TBPL1: variants seen among roughly 807,000 people sequenced by gnomAD.
TBPL1 encodes the protein TATA box-binding protein-like 1.
Under a neutral mutation model 22.1 loss-of-function variants are expected in TBPL1, and 4 were observed. The ratio of observed to expected loss-of-function variants is 0.18; its 90% CI spans 0.09 to 0.41. TBPL1 has a LOEUF of 0.41. Among genes scored for constraint, TBPL1 ranks in the 10% least tolerant of loss-of-function variants. TBPL1 has a pLI of 1.00. For synonymous variants in TBPL1, 64 were observed against 71.0 expected (o/e 0.90, Z 0.50); for missense variants, 115 against 222.3 (o/e 0.52, Z 3.07).
intron 1 of TBPL1, among the ~76,000 whole-genome samples, chr6:133,968,011 C>CTT (rs535103637): frequency 4.4e-5 from 6 of 136,080 alleles, no homozygotes; most frequent in Admixed American, 7.3e-5. Flanking sequence ...TGACTATTTT[C>CTT]TTTTTTTTTT....
intron 1 of TBPL1, among the ~76,000 whole-genome samples, chr6:133,953,664 T>A (rs1228742889): frequency 6.6e-6 from 1 of 151,936 alleles, no homozygotes; most frequent in Non-Finnish European, 1.5e-5. Flanking sequence ...TCTTTAGGGA[T>A]AACGGGTTGG....
At chr6:133,983,629 A>C (rs143276550) in intron 4 of TBPL1, among the ~76,000 whole-genome samples, 108 of 152,220 alleles carry the variant, frequency 7.1e-4, no homozygotes, top group African/African-American at 2.5e-3. Flanking sequence ...GAGTGCTGCC[A>C]CTTTGCGGTT....
intron 1 of TBPL1, among the ~76,000 whole-genome samples, chr6:133,972,240 C>G (rs761587048): frequency 1.3e-5 from 2 of 152,194 alleles, no homozygotes; most frequent in African/African-American, 2.4e-5. Flanking sequence ...TCTATTTTCT[C>G]TTCTAACAAA....
chr6:133,958,755 T>A (rs118130244), intron 1 of TBPL1, among the ~76,000 whole-genome samples: 1 of 152,230 alleles, frequency 6.6e-6, no homozygotes, highest in Non-Finnish European at 1.5e-5. Flanking sequence ...TTATAAAATA[T>A]ATACTATAGA....
chr6:133,960,182 G>A (rs1317368340), intron 1 of TBPL1, among the ~76,000 whole-genome samples: 1 of 152,142 alleles, frequency 6.6e-6, no homozygotes. Flanking sequence ...ACAGATTAGG[G>A]TGGTTGCAGG....
intron 1 of TBPL1, among the ~76,000 whole-genome samples, chr6:133,962,424 A>C (rs762154798): frequency 6.6e-6 from 1 of 152,228 alleles, no homozygotes; most frequent in Non-Finnish European, 1.5e-5. Flanking sequence ...AAGCTAGATT[A>C]AAAGTTAACT....
chr6:133,959,732 C>T (rs1445522252), intron 1 of TBPL1, among the ~76,000 whole-genome samples: 2 of 152,216 alleles, frequency 1.3e-5, no homozygotes, highest in African/African-American at 4.8e-5. Context: ...GTCCCTCTGC[C>T]TCAGCCTCCC....
chr6:133,961,706 C>A (rs1165742504), intron 1 of TBPL1, among the ~76,000 whole-genome samples: 8 of 152,062 alleles, frequency 5.3e-5, no homozygotes, highest in Non-Finnish European at 1.2e-4. Context: ...CCTCGTGATC[C>A]ATGCGCCTTG....
chr6:133,964,748 G>A (rs535282292), intron 1 of TBPL1, among the ~76,000 whole-genome samples: 4 of 152,134 alleles, frequency 2.6e-5, no homozygotes, highest in East Asian at 1.9e-4. Flanking sequence ...ATGCCCGGCC[G>A]AACTCTGTTT....
At chr6:133,957,722 T>G (rs1292455690) in intron 1 of TBPL1, among the ~76,000 whole-genome samples, 3 of 152,202 alleles carry the variant, frequency 2.0e-5, no homozygotes, top group African/African-American at 4.8e-5. Flanking sequence ...CCTTAAATAT[T>G]AAATAGCTTT....
At chr6:133,972,711 T>C (rs969851370) in intron 1 of TBPL1, among the ~76,000 whole-genome samples, 2 of 151,894 alleles carry the variant, frequency 1.3e-5, no homozygotes, top group Non-Finnish European at 2.9e-5. Context: ...TTTGTTTTTT[T>C]CCCCTCATCT....
At chr6:133,971,051 T>A (rs1012578205) in intron 1 of TBPL1, among the ~76,000 whole-genome samples, 3 of 152,192 alleles carry the variant, frequency 2.0e-5, no homozygotes, top group African/African-American at 7.2e-5. Context: ...TCCAATCCAA[T>A]TGTAATTTTA....
intron 1 of TBPL1, among the ~76,000 whole-genome samples, chr6:133,957,899 G>T (rs2114319963): frequency 6.6e-6 from 1 of 152,330 alleles, no homozygotes; most frequent in Admixed American, 6.5e-5. Flanking sequence ...TTATTTTAAA[G>T]GTGAACTGTT....
chr6:133,987,808 T>A lies in TBPL1; in HGVS notation c.*768T>A, dbSNP rs572866631. 2 of 152,664 alleles carry A rather than the reference T, an allele frequency of 1.3e-5. No homozygotes were observed. Among genetic ancestry groups the A allele is most frequent in the South Asian group, 4.1e-4 (2 of 4,828 alleles). The allele number at this position is 152,664 out of a possible 1,614,324, so 9.5% of individuals were successfully genotyped here. ...AAGTTTATAGATAAAGGATAATGTT[T>A]TATGTTGCTAATTTAATATGATAGA... On this transcript the variant is annotated 3_prime_UTR_variant, in exon 7 of 7. Transcript: ENST00000237264.
At chr6:133,964,874 ACT>A (rs1187294055) in intron 1 of TBPL1, among the ~76,000 whole-genome samples, 1 of 152,138 alleles carries the variant, frequency 6.6e-6, no homozygotes, top group Admixed American at 6.5e-5. Context: ...ATGAGGGGTA[ACT>A]CTATAAAAAC....
At chr6:133,980,769 A>G (rs1185728813) in intron 2 of TBPL1, among the ~76,000 whole-genome samples, 2 of 151,772 alleles carry the variant, frequency 1.3e-5, no homozygotes, top group Non-Finnish European at 2.9e-5. Context: ...GAATATTAAT[A>G]AGTAATAATA....
At chr6:133,965,530 T>G (rs750216971) in intron 1 of TBPL1, among the ~76,000 whole-genome samples, 3 of 152,072 alleles carry the variant, frequency 2.0e-5, no homozygotes, top group Non-Finnish European at 4.4e-5. Flanking sequence ...CCCACTCCCC[T>G]CAGCACCACC....
intron 5 of TBPL1, 41 bp from the exon 6 acceptor site, chr6:133,984,536 G>A (rs1235483766): frequency 6.2e-7 from 1 of 1,609,102 alleles, no homozygotes; most frequent in East Asian, 2.2e-5. Flanking sequence ...TTACTAGTCA[G>A]GGTATAAATA....
intron 1 of TBPL1, among the ~76,000 whole-genome samples, chr6:133,955,002 A>G (rs1465567975): frequency 6.6e-6 from 1 of 152,150 alleles, no homozygotes; most frequent in Non-Finnish European, 1.5e-5. Context: ...ACAGGATGCA[A>G]AGTGTGAACA....
Sources: allele counts gnomAD v4.1 joint callset (sites outside exome capture counted in the v4.1 genomes callset), GRCh38; gene constraint gnomAD v4.1.1; transcripts MANE v1.5; gene names NCBI Gene and HGNC (gene_info 2026-07-23, HGNC 2026-07-21).